GRIK3: variants seen among roughly 807,000 people sequenced by gnomAD.
The protein encoded by GRIK3 is glutamate receptor ionotropic, kainate 3.
Under a neutral mutation model 102.5 loss-of-function variants are expected in GRIK3, and 29 were observed. The ratio of observed to expected loss-of-function variants is 0.28; its 90% confidence interval spans 0.21 to 0.39. The LOEUF (loss-of-function observed/expected upper bound fraction) is 0.39, where lower values mean the gene tolerates loss of function less well. Ranked by LOEUF, GRIK3 falls within the 10% of genes least tolerant of loss-of-function variation. The pLI is 1.00. For missense variants in GRIK3, 908 were observed against 1,252.4 expected, an observed-to-expected ratio of 0.73 and a Z score of 4.15; for synonymous variants, 511 against 504.9, an observed-to-expected ratio of 1.01 and a Z score of -0.16.
intron 7 of GRIK3, 146 bp downstream of exon 7, chr1:36,858,962 G>A: frequency 1.4e-6 from 1 of 711,334 alleles, no homozygotes; most frequent in Non-Finnish European, 2.3e-6. Flanking sequence ...TTTTCACACG[G>A]GAAACTGAGG....
intron 1 of GRIK3, among the ~76,000 whole-genome samples, chr1:36,953,660 A>C (rs1641871037): frequency 6.6e-6 from 1 of 152,044 alleles, no homozygotes; most frequent in African/African-American, 2.4e-5. Context: ...AAAGGTGACT[A>C]GGAAGGAGTC....
rs1157956379 is a variant in GRIK3, at chr1:36,959,822, CCTGTGTGCCCTGTGAGT to C, written c.116-68743_116-68727del. Among the ~76,000 whole-genome samples the C allele has an allele frequency of 4.1e-3, 471 of 115,494 alleles. 16 individuals are homozygous for C. Among genetic ancestry groups the C allele is most frequent in the African/African-American group, 0.014 (449 of 32,750 alleles). The allele number at this position is 115,494 out of a possible 152,430, so 75.8% of individuals were successfully genotyped here. A position where few individuals can be genotyped will look rare whatever the true frequency, so the allele number is the denominator to read the frequency against. ...ACCCCATGACTCTGTGCCCCATGAG[CCTGTGTGCCCTGTGAGT>C]CTGTGTGCCCTGTGAGCCTGTGTGC... On this transcript the variant is annotated intron_variant, in intron 1 of 15. Coordinates refer to ENST00000373091, the MANE Select transcript of GRIK3 (RefSeq NM_000831.4).
intron 1 of GRIK3, among the ~76,000 whole-genome samples, chr1:36,924,612 T>A (rs1641508356): frequency 2.6e-5 from 4 of 152,056 alleles, no homozygotes; most frequent in African/African-American, 7.2e-5. Flanking sequence ...CCTCCCAGCC[T>A]GTGAGGAGGG....
intron 9 of GRIK3, among the ~76,000 whole-genome samples, chr1:36,847,809 C>G (rs1640535382): frequency 6.6e-6 from 1 of 152,222 alleles, no homozygotes; most frequent in African/African-American, 2.4e-5. Context: ...TTTTGATCAT[C>G]AAACTGTTCT....
chr1:36,894,481 C>T (rs998868899), intron 1 of GRIK3, among the ~76,000 whole-genome samples: 1 of 152,186 alleles, frequency 6.6e-6, no homozygotes, highest in African/African-American at 2.4e-5. Context: ...TGGCATATGA[C>T]AAGCTTGAAA....
intron 1 of GRIK3, among the ~76,000 whole-genome samples, chr1:36,960,035 G>A (rs534121003): frequency 8.4e-6 from 1 of 119,418 alleles, no homozygotes; most frequent in African/African-American, 2.9e-5. Context: ...TGCCCCGCGA[G>A]TCTGTGTGCC....
At chr1:36,841,433 G>A (rs1366840521) in intron 10 of GRIK3, among the ~76,000 whole-genome samples, 1 of 152,194 alleles carries the variant, frequency 6.6e-6, no homozygotes, top group Non-Finnish European at 1.5e-5. Context: ...GAAGCCACAG[G>A]CCTCCTCCAG....
At chr1:37,021,127 T>TGTGAGA (rs1553128804) in intron 1 of GRIK3, among the ~76,000 whole-genome samples, 16 of 145,286 alleles carry the variant, frequency 1.1e-4, no homozygotes, top group South Asian at 2.2e-4. Context: ...TGTGTGTCTG[T>TGTGAGA]GAGAGAGAGA....
Position 36,880,302 on chromosome 1 carries a change from G to T in GRIK3, c.550+332C>A, listed in dbSNP as rs1264291896. ...CAGATGGAAATGTGTGAGCGTAAGG[G>T]CATGGGCAGGTGTCGGTGTGGCTTG... is the stretch of plus-strand genomic sequence containing the variant. On this transcript the variant is annotated intron_variant, in intron 3 of 15. Coordinates refer to ENST00000373091, the MANE Select transcript of GRIK3 (RefSeq NM_000831.4). The surrounding 1 kb of genome is among the most constrained non-coding windows in gnomAD (Gnocchi z 5.4). 6.6e-6 allele frequency among the ~76,000 whole-genome samples: 1 copy of T among 152,158 alleles called. No individual in the cohort carries two copies. The highest frequency in any genetic ancestry group is 1.9e-4 in the East Asian group (1 of 5,190).
intron 1 of GRIK3, among the ~76,000 whole-genome samples, chr1:36,957,935 G>A (rs920027359): frequency 2.5e-5 from 2 of 78,914 alleles, no homozygotes. Flanking sequence ...TGTGCCCCAT[G>A]AGCCTGTGTG....
At chr1:36,924,044 T>C (rs1641501300) in intron 1 of GRIK3, among the ~76,000 whole-genome samples, 1 of 151,906 alleles carries the variant, frequency 6.6e-6, no homozygotes, top group African/African-American at 2.4e-5. Flanking sequence ...TGAAGTCCTG[T>C]TGTGCAAGGG....
chr1:36,997,330 T>C (rs538504378), intron 1 of GRIK3, among the ~76,000 whole-genome samples: 5 of 152,206 alleles, frequency 3.3e-5, no homozygotes, highest in East Asian at 3.8e-4. Flanking sequence ...CAGGATTTAA[T>C]TGGGCTGTAA....
chr1:36,997,813 G>T (rs1642436225), intron 1 of GRIK3, among the ~76,000 whole-genome samples: 1 of 152,150 alleles, frequency 6.6e-6, no homozygotes. Context: ...AGGACCAAGG[G>T]TGACCAGATA....
At chr1:36,919,029 C>A (rs471710) in intron 1 of GRIK3, among the ~76,000 whole-genome samples, 9 of 152,176 alleles carry the variant, frequency 5.9e-5, no homozygotes, top group African/African-American at 2.2e-4. Context: ...TATGAAGAGA[C>A]CTATGAAGGG....
At chr1:37,025,088 C>A (rs997170060) in intron 1 of GRIK3, among the ~76,000 whole-genome samples, 4 of 152,100 alleles carry the variant, frequency 2.6e-5, no homozygotes, top group Non-Finnish European at 5.9e-5. Context: ...GTTATATTGC[C>A]CTCCTAGAAC....
Position 36,850,352 on chromosome 1 carries a change from C to A in GRIK3, c.1285G>T (p.Asp429Tyr), listed in dbSNP as rs768148773. 8.7e-6 allele frequency: 14 copies of A among 1,613,282 alleles called. No homozygotes were observed. In the South Asian group the frequency reaches 1.5e-4, roughly 18 times the overall value. ...VAKGRGPNVTDSLTNRSLIVT... is the reference protein window; with the variant it reads ...VAKGRGPNVTYSLTNRSLIVT... ...ATGAGTGATCTGTTTGTCAGAGAGTCGGTGACATTAGGGCCTCGGCCTTTG... is the reference window on the plus strand; with the variant it reads ...ATGAGTGATCTGTTTGTCAGAGAGTAGGTGACATTAGGGCCTCGGCCTTTG... The change falls in exon 9 of 16, where the codon GAC becomes TAC. Residue 429 changes from aspartate to tyrosine, a missense_variant. By Grantham distance (160) the Asp-to-Tyr change is radical. Coordinates refer to ENST00000373091, the MANE Select transcript of GRIK3 (RefSeq NM_000831.4). The surrounding 1 kb of genome is among the most constrained non-coding windows in gnomAD (Gnocchi z 4.0).
chr1:36,849,241 A>T (rs1640553304), intron 9 of GRIK3, among the ~76,000 whole-genome samples: 1 of 152,092 alleles, frequency 6.6e-6, no homozygotes. Flanking sequence ...AGGTAGGGCC[A>T]CCCAGTAGGG....
intron 1 of GRIK3, among the ~76,000 whole-genome samples, chr1:36,972,011 T>C (rs1642148080): frequency 3.3e-5 from 5 of 152,286 alleles, no homozygotes; most frequent in Admixed American, 2.6e-4. Flanking sequence ...CCTTTGCTAA[T>C]TATTAAACTT....
intron 1 of GRIK3, among the ~76,000 whole-genome samples, chr1:36,961,884 C>T (rs999071535): frequency 1.3e-5 from 2 of 152,144 alleles, no homozygotes; most frequent in African/African-American, 4.8e-5. Flanking sequence ...CAACCAACCA[C>T]CCTTGCTCTC....
Sources: gnomAD v4.1 joint callset for allele counts (sites outside exome capture counted in the v4.1 genomes callset) on GRCh38, gnomAD v4.1.1 for gene constraint, Gnocchi (gnomAD v3.1) non-coding constraint, MANE v1.5 for transcripts, NCBI Gene and HGNC (gene_info 2026-07-23, HGNC 2026-07-21) for gene names.